The following SOS2 variants were observed in gnomAD, a reference collection of about 807,000 sequenced individuals.
The protein encoded by SOS2 is SOS Ras/Rho guanine nucleotide exchange factor 2, also known as son of sevenless homolog 2.
A neutral mutation model predicts 148.2 loss-of-function variants in SOS2; 65 were observed. The ratio of observed to expected loss-of-function variants is 0.44; its 90% CI spans 0.36 to 0.54. SOS2 has a LOEUF of 0.54. Ranked by LOEUF, SOS2 falls within the 20% of genes least tolerant of loss-of-function variation. The pLI is 0.00. For missense variants in SOS2, 1,341 were observed against 1,590.2 expected (o/e 0.84, Z 2.67); for synonymous variants, 539 against 537.1 (o/e 1.00, Z -0.05).
At chr14:50,218,075 A>T (rs1407114264) in intron 1 of SOS2, among the ~76,000 whole-genome samples, 1 of 151,636 alleles carries the variant, frequency 6.6e-6, no homozygotes, top group Non-Finnish European at 1.5e-5. Flanking sequence ...AGGCAGGATG[A>T]TCATTTGAGG....
chr14:50,191,275 G>T (rs1886128140), intron 4 of SOS2, among the ~76,000 whole-genome samples: 1 of 151,864 alleles, frequency 6.6e-6, no homozygotes, highest in Non-Finnish European at 1.5e-5. Flanking sequence ...GACCAGCCTG[G>T]GCAATATAGC....
At chr14:50,224,207 G>T (rs1887283084) in intron 1 of SOS2, among the ~76,000 whole-genome samples, 1 of 150,708 alleles carries the variant, frequency 6.6e-6, no homozygotes. Flanking sequence ...AGGAGAACTG[G>T]TTGAGCCTGG....
intron 21 of SOS2, among the ~76,000 whole-genome samples, chr14:50,124,999 G>T (rs932746392): frequency 1.3e-5 from 2 of 152,090 alleles, no homozygotes; most frequent in Non-Finnish European, 2.9e-5. Context: ...TTCTACGATG[G>T]CACAGTGTTA....
intron 14 of SOS2, among the ~76,000 whole-genome samples, chr14:50,147,963 CT>C (rs1324968629): frequency 2.6e-5 from 4 of 151,842 alleles, no homozygotes; most frequent in Non-Finnish European, 5.9e-5. Context: ...TCTTTTTTTT[CT>C]TTTTAATTGA....
rs1884938694 is a variant in SOS2 at position 50,159,844 on chromosome 14, C to A, written c.1439G>T (p.Gly480Val). Residue 480 changes from glycine to valine, a missense_variant, in exon 10 of 23, where the codon GGT (glycine) becomes GTT (valine). Around this residue, in one of 4 missense-constraint regions of SOS2, gnomAD observed 574 missense variants for 711.1 expected, o/e 0.81. Coordinates refer to ENST00000216373, the MANE Select transcript of SOS2 (RefSeq NM_006939.4). ...TAACCTGTATTCTGCACTACTGTAA[C>A]CTGGAAGCCGAGTCTGGCCATGATT... Reference protein sequence around the residue: ...KPNHGQTRLPGYSSAEYRLKE... With the variant: ...KPNHGQTRLPVYSSAEYRLKE... The A allele has an allele frequency of 6.2e-7, 1 of 1,614,070 alleles. No homozygotes were observed. The highest frequency in any genetic ancestry group is 1.1e-5 in the South Asian group (1 of 91,068).
intron 1 of SOS2, chr14:50,230,878 C>G (rs1887518432): frequency 9.6e-7 from 1 of 1,037,546 alleles, no homozygotes; most frequent in Non-Finnish European, 1.2e-6. Flanking sequence ...TGTCTAAATA[C>G]CAGCGGGACT....
chr14:50,188,798 G>GTAATACAA (rs1886010161), intron 4 of SOS2, 98 bp from the exon 5 acceptor site: 2 of 841,406 alleles, frequency 2.4e-6, no homozygotes, highest in Admixed American at 5.9e-5. Flanking sequence ...AAACAGGGCT[G>GTAATACAA]GGTGTTGTAA....
Position 50,200,950 on chromosome 14 carries a change from T to C in SOS2, c.345+3A>G, listed in dbSNP as rs1423200771. 6 of 1,613,342 alleles carry C rather than the reference T, an allele frequency of 3.7e-6. No homozygotes were observed. Among genetic ancestry groups the C allele is most frequent in the Non-Finnish European group, 5.1e-6 (6 of 1,179,602 alleles). On this transcript the variant is annotated splice_donor_region_variant and intron_variant, in intron 3 of 22. Transcript: ENST00000216373. ...CCCCAACTAATGTTTAATCTTTTGT[T>C]ACCTTCAACGAAGGATGGATTTTGT...
chr14:50,215,088 G>A (rs1209766909), intron 1 of SOS2, among the ~76,000 whole-genome samples: 3 of 151,496 alleles, frequency 2.0e-5, no homozygotes, highest in South Asian at 4.2e-4. Context: ...TGCCCGCCTC[G>A]TCCTCCCAAA....
In SOS2 at chr14:50,117,981, T is replaced by C. The variant is rs1244682389; in HGVS notation, c.*363A>G. 1 of 179,236 alleles carries C rather than the reference T, an allele frequency of 5.6e-6. No homozygotes were observed. The highest frequency in any genetic ancestry group is 2.4e-5 in the African/African-American group (1 of 42,104). 11.1% of individuals were successfully genotyped at this position (179,236 alleles called of 1,614,324 possible). A position where few individuals can be genotyped will look rare whatever the true frequency, so the allele number is the denominator to read the frequency against. ...CCCATATTTGTGTAAATTCACTGCC[T>C]TAAAAAGGCATCTATTACTCAAATT... is the stretch of plus-strand genomic sequence containing the variant. On this transcript the variant is annotated 3_prime_UTR_variant, in exon 23 of 23. Coordinates refer to ENST00000216373, the MANE Select transcript of SOS2 (RefSeq NM_006939.4).
At chr14:50,220,952 C>T (rs1595036364) in intron 1 of SOS2, among the ~76,000 whole-genome samples, 1 of 152,118 alleles carries the variant, frequency 6.6e-6, no homozygotes, top group South Asian at 2.1e-4. Flanking sequence ...GTTCCAGTGG[C>T]AGATCATTTG....
chr14:50,156,719 CCTGATACGT>C (rs1208473256), intron 12 of SOS2: 1 of 164,242 alleles, frequency 6.1e-6, no homozygotes, highest in Non-Finnish European at 1.3e-5. Flanking sequence ...AAATAGGTAT[CCTGATACGT>C]AAGCATAACA....
rs141575190 is a variant in SOS2 at position 50,200,983 on chromosome 14, C to A, written c.315G>T (p.Leu105=). The A allele has an allele frequency of 3.5e-4, 559 of 1,613,904 alleles. No homozygotes were observed. Among genetic ancestry groups the A allele is most frequent in the Admixed American group, 5.5e-4 (33 of 60,002 alleles). The change falls in exon 3 of 23, where the codon CTG becomes CTT. Residue 105 remains leucine, a synonymous_variant. Coordinates refer to ENST00000216373, the MANE Select transcript of SOS2 (RefSeq NM_006939.4). The part of the protein sequence containing the change: ...EKRKRRNPLL[L]PVDKIHPSLK... Reference sequence around the variant, plus strand: ...ACGAAGGATGGATTTTGTCCACAGGCAGTAAAAGAGGATTTCTTCGTTTTC... The same window carrying A: ...ACGAAGGATGGATTTTGTCCACAGGAAGTAAAAGAGGATTTCTTCGTTTTC...
chr14:50,155,314 A>G (rs1884778644), intron 12 of SOS2, among the ~76,000 whole-genome samples: 1 of 152,118 alleles, frequency 6.6e-6, no homozygotes, highest in Non-Finnish European at 1.5e-5. Context: ...CCAATTCCAT[A>G]CAGGTAATCT....
intron 21 of SOS2, among the ~76,000 whole-genome samples, chr14:50,126,847 A>G (rs1883694814): frequency 6.6e-6 from 1 of 151,894 alleles, no homozygotes; most frequent in Admixed American, 6.6e-5. Context: ...AACAGGAAGC[A>G]TTTTCTGGAA....
chr14:50,166,706 C>T (rs1374888512), intron 8 of SOS2, among the ~76,000 whole-genome samples: 13 of 152,124 alleles, frequency 8.5e-5, no homozygotes, highest in Admixed American at 7.9e-4. Flanking sequence ...TCTTGAAACT[C>T]CTACCAAATG....
chr14:50,210,497 AGGACAC>A (rs1221333434), intron 1 of SOS2, among the ~76,000 whole-genome samples: 1 of 152,200 alleles, frequency 6.6e-6, no homozygotes, highest in Non-Finnish European at 1.5e-5. Context: ...TTTCTTATAT[AGGACAC>A]AAAAAATTAC....
rs373233749 is a variant in SOS2 at position 50,174,521 on chromosome 14, C to T, written c.1001G>A (p.Arg334His). ...CAGCATAAGACGTGGAAGGACATAA[C>T]GAACTGCCTCTTTAAAACCATCAGC... ...SIADGFKEAV[R>H]YVLPRLMLVP... The change falls in exon 8 of 23, where the codon CGT (arginine) becomes CAT (histidine). Residue 334 changes from arginine to histidine, a missense_variant. Physicochemically the swap from Arg to His is conservative, Grantham distance 29. This residue lies in a region of SOS2 where 574 missense variants were observed against 711.1 expected (regional missense o/e 0.81). Transcript: ENST00000216373. 28 of 1,609,210 alleles carry T rather than the reference C, an allele frequency of 1.7e-5. No individual in the cohort carries two copies. Among genetic ancestry groups the T allele is most frequent in the South Asian group, 5.5e-5 (5 of 90,302 alleles).
At chr14:50,215,491 T>C in intron 1 of SOS2, 3 of 1,241,674 alleles carry the variant, frequency 2.4e-6, no homozygotes, top group Non-Finnish European at 3.1e-6. Flanking sequence ...ATCATATTTT[T>C]TGAAAGCCTA....
Sources: allele counts gnomAD v4.1 joint callset (sites outside exome capture counted in the v4.1 genomes callset), GRCh38; gene constraint gnomAD v4.1.1; regional missense constraint gnomAD v4.1.1; transcripts MANE v1.5; gene names NCBI Gene and HGNC (gene_info 2026-07-23, HGNC 2026-07-21).